The following SNAP91 variants were observed in gnomAD, a reference collection of about 807,000 sequenced individuals.
SNAP91 encodes synaptosome associated protein 91.
Under a neutral mutation model 100.3 loss-of-function variants are expected in SNAP91, and 27 were observed. The ratio of observed to expected loss-of-function variants is 0.27; its 90% CI spans 0.20 to 0.37. The LOEUF (loss-of-function observed/expected upper bound fraction) is 0.37. SNAP91 is among the 10% of genes least tolerant of loss of function. SNAP91 has a pLI of 1.00. For missense variants in SNAP91, 986 were observed against 1,123.7 expected, an observed-to-expected ratio of 0.88 and a Z score of 1.75; for synonymous variants, 404 against 398.6, an observed-to-expected ratio of 1.01 and a Z score of -0.16.
chr6:83,604,974 G>A (rs1440559867), intron 14 of SNAP91, among the ~76,000 whole-genome samples: 1 of 152,080 alleles, frequency 6.6e-6, no homozygotes, highest in Non-Finnish European at 1.5e-5. Flanking sequence ...TGATAGTTTG[G>A]TACAGGAAGG....
intron 7 of SNAP91, among the ~76,000 whole-genome samples, chr6:83,651,991 C>T (rs1378126669): frequency 6.6e-6 from 1 of 152,072 alleles, no homozygotes; most frequent in Non-Finnish European, 1.5e-5. Context: ...TTATCATCTG[C>T]CATGTCTGGA....
At chr6:83,614,926 A>G (rs2096390789) in intron 10 of SNAP91, 64 bp from the exon 11 acceptor site, 2 of 1,346,954 alleles carry the variant, frequency 1.5e-6, no homozygotes, top group East Asian at 4.8e-5. Context: ...TAGTTCATTT[A>G]TTTTAAAAAA....
Position 83,707,781 on chromosome 6 carries a change from T to C in SNAP91, c.130+17A>G, listed in dbSNP as rs139888231. 695 of 1,612,468 alleles carry C rather than the reference T, an allele frequency of 4.3e-4. 8 individuals carry two copies. The East Asian group carries it at 0.015, about 34-fold the overall frequency. On this transcript the variant is annotated intron_variant, in intron 2 of 29. Coordinates refer to ENST00000369694, the MANE Select transcript of SNAP91 (RefSeq NM_001242792.2). Reference sequence around the variant, plus strand: ...CTCTGCCGTGCGCATGTCCCTCTTATATAAAGAGATGCTTACAGTCCAGGT... The same window carrying C: ...CTCTGCCGTGCGCATGTCCCTCTTACATAAAGAGATGCTTACAGTCCAGGT...
At chr6:83,693,683 C>G (rs183172348) in intron 2 of SNAP91, among the ~76,000 whole-genome samples, 3 of 152,254 alleles carry the variant, frequency 2.0e-5, no homozygotes, top group African/African-American at 7.2e-5. Flanking sequence ...AATGTAAAAT[C>G]AAGAACAACT....
At chr6:83,613,808 A>G (rs1335743293) in intron 11 of SNAP91, among the ~76,000 whole-genome samples, 1 of 152,240 alleles carries the variant, frequency 6.6e-6, no homozygotes, top group East Asian at 1.9e-4. Context: ...TTTAGGAAAG[A>G]AGATACTACA....
At chr6:83,602,878 C>A (rs1024832467) in intron 14 of SNAP91, among the ~76,000 whole-genome samples, 5 of 152,038 alleles carry the variant, frequency 3.3e-5, no homozygotes, top group African/African-American at 1.2e-4. Flanking sequence ...AGGACAAATG[C>A]ATAATGCATG....
chr6:83,555,591 G>A (rs1003473231), intron 29 of SNAP91, among the ~76,000 whole-genome samples: 3 of 152,156 alleles, frequency 2.0e-5, no homozygotes, highest in South Asian at 2.1e-4. Flanking sequence ...TCCTTCATTC[G>A]TTTCCTTCCA....
intron 14 of SNAP91, 129 bp from the exon 15 acceptor site, chr6:83,601,728 C>A: frequency 2.5e-6 from 2 of 806,644 alleles, no homozygotes; most frequent in South Asian, 1.6e-5. Context: ...TCTTCTACAC[C>A]ATTTGCAATT....
At chr6:83,576,077 G>C in intron 24 of SNAP91, 24 bp from the exon 25 acceptor site, 1 of 1,214,766 alleles carries the variant, frequency 8.2e-7, no homozygotes, top group Non-Finnish European at 1.2e-6. Flanking sequence ...AAAGAAAAAA[G>C]AATGTAAATC....
intron 26 of SNAP91, among the ~76,000 whole-genome samples, chr6:83,573,251 G>A (rs537449701): frequency 6.6e-6 from 1 of 152,260 alleles, no homozygotes; most frequent in South Asian, 2.1e-4. Context: ...CAAGGGATGT[G>A]AAGGACCTCT....
intron 23 of SNAP91, 67 bp downstream of exon 23, chr6:83,582,155 A>G (rs759797947): frequency 2.5e-4 from 386 of 1,540,244 alleles, no homozygotes; most frequent in Non-Finnish European, 3.3e-4. Context: ...TAGCATACTA[A>G]CCTTAGGTAG....
At chr6:83,563,027 C>A (rs1790592964) in intron 26 of SNAP91, among the ~76,000 whole-genome samples, 1 of 152,180 alleles carries the variant, frequency 6.6e-6, no homozygotes, top group Non-Finnish European at 1.5e-5. Flanking sequence ...AGGTCAAGTT[C>A]TCTTAGAGAG....
At chr6:83,684,825 A>C (rs1376692719) in intron 2 of SNAP91, among the ~76,000 whole-genome samples, 1 of 152,192 alleles carries the variant, frequency 6.6e-6, no homozygotes, top group East Asian at 1.9e-4. Context: ...TCACAGTTAC[A>C]AGAAACCCTA....
chr6:83,682,575 A>C (rs185174483), intron 2 of SNAP91, among the ~76,000 whole-genome samples: 1 of 151,416 alleles, frequency 6.6e-6, no homozygotes, highest in Non-Finnish European at 1.5e-5. Context: ...ATATTTTTTT[A>C]AATTTTTTTA....
intron 8 of SNAP91, among the ~76,000 whole-genome samples, chr6:83,626,452 A>G (rs1046870501): frequency 6.6e-6 from 1 of 152,170 alleles, no homozygotes; most frequent in Non-Finnish European, 1.5e-5. Flanking sequence ...TTTGGGCAGT[A>G]GAGCCATTTT....
intron 29 of SNAP91, among the ~76,000 whole-genome samples, chr6:83,554,841 T>C (rs1009061895): frequency 1.3e-5 from 2 of 152,130 alleles, no homozygotes; most frequent in African/African-American, 2.4e-5. Flanking sequence ...CTGGAAACAT[T>C]TGTGGGGTCT....
rs75886106 is a variant in SNAP91, at chr6:83,652,953, C to T, written c.658+3801G>A. 3.1e-3 allele frequency among the ~76,000 whole-genome samples: 470 copies of T among 152,266 alleles called. 2 individuals are homozygous for T. The highest frequency in any genetic ancestry group is 0.011 in the African/African-American group (442 of 41,566). On this transcript the variant is annotated intron_variant, in intron 7 of 29. Transcript: ENST00000369694. ...GCATGGTTTGTGAAGTGAAGTCATA[C>T]AAAATTCTTATTTTTGCTCCTCCAC... is the stretch of plus-strand genomic sequence containing the variant.
intron 9 of SNAP91, among the ~76,000 whole-genome samples, chr6:83,618,313 T>C (rs1252181938): frequency 6.6e-6 from 1 of 151,406 alleles, no homozygotes; most frequent in Non-Finnish European, 1.5e-5. Context: ...ATCAAAATGA[T>C]GAAGGTAAGA....
chr6:83,647,209 C>A (rs2097963366), intron 7 of SNAP91, among the ~76,000 whole-genome samples: 2 of 152,036 alleles, frequency 1.3e-5, no homozygotes, highest in South Asian at 4.1e-4. Context: ...ACTGCATTAG[C>A]TAGAACTTCC....
Sources: allele counts gnomAD v4.1 joint callset (sites outside exome capture counted in the v4.1 genomes callset), GRCh38; gene constraint gnomAD v4.1.1; transcripts MANE v1.5; gene names NCBI Gene and HGNC (gene_info 2026-07-23, HGNC 2026-07-21).